Variants in RYR3 observed in about 807,000 individuals in gnomAD.
RYR3 encodes the protein ryanodine receptor 3, also known as brain ryanodine receptor-calcium release channel.
Under a neutral mutation model 584.3 loss-of-function variants are expected in RYR3, and 207 were observed. The observed-to-expected ratio is 0.35, with a 90% CI of 0.32 to 0.40. The LOEUF is 0.40. Ranked by LOEUF, RYR3 falls within the 10% of genes least tolerant of loss-of-function variation. The pLI, the probability that RYR3 is intolerant of heterozygous loss-of-function variation, is 1.00. For missense variants in RYR3, 5,616 were observed against 6,089.2 expected (o/e 0.92, Z 2.59); for synonymous variants, 2,416 against 2,248.5 (o/e 1.07, Z -2.11).
intron 12 of RYR3, among the ~76,000 whole-genome samples, chr15:33,574,276 A>G (rs185687351): frequency 2.0e-5 from 3 of 152,316 alleles, no homozygotes; most frequent in Admixed American, 2.0e-4. Flanking sequence ...TGTTTCTAGT[A>G]AAATGAAAGT....
intron 1 of RYR3, among the ~76,000 whole-genome samples, chr15:33,402,466 G>A (rs921913220): frequency 1.3e-5 from 2 of 152,326 alleles, no homozygotes; most frequent in Non-Finnish European, 2.9e-5. Flanking sequence ...CATGAATCAG[G>A]TGCTTGTTGT....
At chr15:33,544,861 C>T (rs1465901159) in intron 8 of RYR3, among the ~76,000 whole-genome samples, 1 of 121,322 alleles carries the variant, frequency 8.2e-6, no homozygotes, top group African/African-American at 2.6e-5. Context: ...ACTGGTCCGG[C>T]GGTTGATAGT....
At chr15:33,630,412 C>T (rs757316731) in intron 22 of RYR3, among the ~76,000 whole-genome samples, 147 of 152,126 alleles carry the variant, frequency 9.7e-4, no homozygotes, top group Middle Eastern at 3.2e-3. Context: ...AAATAATTTT[C>T]GCTTCTCCGT....
intron 1 of RYR3, among the ~76,000 whole-genome samples, chr15:33,321,980 A>G (rs1425284201): frequency 6.6e-6 from 1 of 152,220 alleles, no homozygotes; most frequent in Non-Finnish European, 1.5e-5. Context: ...TCTCCAGAGC[A>G]AGGCTCTATT....
chr15:33,755,214 C>A (rs781615518), intron 58 of RYR3, 34 bp downstream of exon 58: 7 of 1,163,034 alleles, frequency 6.0e-6, no homozygotes, highest in Middle Eastern at 2.6e-4. Context: ...CAAAAGAATT[C>A]AATATTCTTT....
At chr15:33,392,618 ACT>A in intron 1 of RYR3, among the ~76,000 whole-genome samples, 1 of 151,766 alleles carries the variant, frequency 6.6e-6, no homozygotes, top group East Asian at 1.9e-4. Context: ...TGCATCATTA[ACT>A]CTCTGCCACT....
intron 19 of RYR3, among the ~76,000 whole-genome samples, chr15:33,615,961 T>C (rs954399085): frequency 3.3e-5 from 5 of 152,172 alleles, no homozygotes; most frequent in Admixed American, 3.3e-4. Flanking sequence ...AGTGTTGGGA[T>C]CATACACCCT....
At chr15:33,738,630 G>A in intron 50 of RYR3, 40 bp downstream of exon 50, 1 of 1,609,598 alleles carries the variant, frequency 6.2e-7, no homozygotes, top group Non-Finnish European at 8.5e-7. Context: ...GAGCATCTCA[G>A]TGCTCCAGCA....
In RYR3 at chr15:33,848,557, C is replaced by T. The variant is rs2078873921; in HGVS notation, c.13628+136C>T. ...CTAGGACTTTTCTCCCTTGCCTCTT[C>T]AATAAAGCCACTTACTGCCCATCAA... On this transcript the variant is annotated intron_variant, in intron 94 of 103. Transcript: ENST00000634891. The T allele has an allele frequency of 3.3e-6, 3 of 917,850 alleles. No homozygotes were observed. The South Asian group carries it at 5.8e-5, about 18-fold the overall frequency. 56.9% of individuals were successfully genotyped at this position (917,850 alleles called of 1,614,324 possible). A position where few individuals can be genotyped will look rare whatever the true frequency, so the allele number is the denominator to read the frequency against.
chr15:33,327,361 A>G (rs939607440), intron 1 of RYR3, among the ~76,000 whole-genome samples: 2 of 152,208 alleles, frequency 1.3e-5, no homozygotes, highest in South Asian at 2.1e-4. Flanking sequence ...TCCATGGGAC[A>G]CAGGGGCTGT....
intron 65 of RYR3, 70 bp from the exon 66 acceptor site, chr15:33,785,592 G>A (rs1312141205): frequency 1.3e-5 from 16 of 1,233,320 alleles, no homozygotes; most frequent in East Asian, 2.5e-5. Context: ...GGAAAGGAGG[G>A]GCAGAGAGAA....
chr15:33,633,265 T>C (rs917597595), intron 24 of RYR3, among the ~76,000 whole-genome samples, 157 bp downstream of exon 24: 1 of 152,254 alleles, frequency 6.6e-6, no homozygotes, highest in East Asian at 1.9e-4. Context: ...ATCATGGGGC[T>C]GGACAGAATT....
intron 88 of RYR3, 69 bp from the exon 89 acceptor site, chr15:33,837,562 A>G (rs1319188606): frequency 2.1e-6 from 3 of 1,459,718 alleles, no homozygotes; most frequent in African/African-American, 1.4e-5. Flanking sequence ...AAAAATAGCT[A>G]CCTGACAAGT....
intron 49 of RYR3, 26 bp from the exon 50 acceptor site, chr15:33,738,424 G>C: frequency 6.2e-7 from 1 of 1,601,568 alleles, no homozygotes; most frequent in East Asian, 2.2e-5. Flanking sequence ...CCACCCCGCT[G>C]GTCTGTCCTG....
At chr15:33,419,592 C>A (rs139139122) in intron 1 of RYR3, among the ~76,000 whole-genome samples, 296 of 152,292 alleles carry the variant, frequency 1.9e-3, no homozygotes, top group Middle Eastern at 0.01. Context: ...CAGGCTCTGT[C>A]AAACCTAAGG....
chr15:33,759,556 G>T (rs2152864888), intron 60 of RYR3, among the ~76,000 whole-genome samples: 1 of 152,200 alleles, frequency 6.6e-6, no homozygotes, highest in South Asian at 2.1e-4. Context: ...AGAGATTGAA[G>T]ATCAACTAAA....
chr15:33,524,597 C>A (rs1165607772), intron 3 of RYR3, among the ~76,000 whole-genome samples: 2 of 152,104 alleles, frequency 1.3e-5, no homozygotes, highest in Non-Finnish European at 2.9e-5. Context: ...TTCCATATTG[C>A]TTTGCAAAAG....
intron 1 of RYR3, among the ~76,000 whole-genome samples, chr15:33,464,489 T>TATATACACACAC (rs1450450145): frequency 8.9e-5 from 6 of 67,438 alleles, no homozygotes; most frequent in African/African-American, 5.0e-4. Context: ...TATATATATA[T>TATATACACACAC]ACACATATAT....
chr15:33,749,821 A>C (rs1357283815), intron 55 of RYR3, among the ~76,000 whole-genome samples, 158 bp from the exon 56 acceptor site: 1 of 152,232 alleles, frequency 6.6e-6, no homozygotes, highest in Admixed American at 6.5e-5. Context: ...AATGAGGTAC[A>C]TAAGCACACA....
Sources: allele counts gnomAD v4.1 joint callset (sites outside exome capture counted in the v4.1 genomes callset), GRCh38; gene constraint gnomAD v4.1.1; transcripts MANE v1.5; gene names NCBI Gene and HGNC (gene_info 2026-07-23, HGNC 2026-07-21).